Variants in XPO6 observed in about 807,000 individuals in gnomAD.
The protein encoded by XPO6 is exportin 6, also known as exportin-6.
Under a neutral mutation model 130.0 loss-of-function variants are expected in XPO6, and 3 were observed. The observed-to-expected ratio is 0.02, with a 90% CI of 0.01 to 0.06. The LOEUF is 0.06. Among genes scored for constraint, XPO6 ranks in the 10% least tolerant of loss-of-function variants. The probability of loss-of-function intolerance (pLI) is 1.00; values close to 1 mark genes in which losing one functional copy is unlikely to be tolerated. For missense variants in XPO6, 970 were observed against 1,393.0 expected (o/e 0.70, Z 4.83); for synonymous variants, 524 against 548.9 (o/e 0.95, Z 0.63).
rs1036243142 is a variant in XPO6, at chr16:28,127,600, T to C, written c.1607-1752A>G. Among the ~76,000 whole-genome samples the C allele has an allele frequency of 2.0e-5, 3 of 152,090 alleles. No homozygotes were observed. The East Asian group carries it at 5.8e-4, about 29-fold the overall frequency. The stretch of plus-strand genomic sequence containing the variant: ...ATGTATTACTGACAGTAAACACGGA[T>C]GGGTGGCACCTGCAGAAAGGAAGGG... On this transcript the variant is annotated intron_variant, in intron 12 of 23. Coordinates refer to ENST00000304658, the MANE Select transcript of XPO6 (RefSeq NM_015171.4).
Position 28,188,717 on chromosome 16 carries a change from T to C in XPO6, c.4-7686A>G, listed in dbSNP as rs1275918258. On this transcript the variant is annotated intron_variant, in intron 1 of 23. Transcript: ENST00000304658. Reference sequence around the variant, plus strand: ...AAAAAAAAGGAGAGAAAAAAATCTTTGACCTGTAGGCCTGCACACAAGTAT... The same window carrying C: ...AAAAAAAAGGAGAGAAAAAAATCTTCGACCTGTAGGCCTGCACACAAGTAT... Among the ~76,000 whole-genome samples the C allele has an allele frequency of 2.1e-5, 3 of 144,982 alleles. No individual in the cohort carries two copies. The Admixed American group carries it at 2.1e-4, about 10-fold the overall frequency.
At chr16:28,134,043 A>C in intron 10 of XPO6, 110 bp from the exon 11 acceptor site, 1 of 1,095,640 alleles carries the variant, frequency 9.1e-7, no homozygotes, top group Non-Finnish European at 1.3e-6. Context: ...AAATGATGGA[A>C]CCAGGTTATC....
intron 2 of XPO6, among the ~76,000 whole-genome samples, chr16:28,179,814 T>A (rs2043587906): frequency 1.3e-5 from 2 of 152,154 alleles, no homozygotes; most frequent in South Asian, 4.1e-4. Flanking sequence ...AGAACTGAAC[T>A]AAGACAAGCC....
At chr16:28,158,794 T>A (rs563630411) in intron 6 of XPO6, among the ~76,000 whole-genome samples, 1 of 152,346 alleles carries the variant, frequency 6.6e-6, no homozygotes, top group South Asian at 2.1e-4. Flanking sequence ...CAGGAATCTG[T>A]GTTCTTATAA....
chr16:28,102,853 G>C (rs968919784), intron 21 of XPO6, among the ~76,000 whole-genome samples: 2 of 152,302 alleles, frequency 1.3e-5, no homozygotes, highest in African/African-American at 4.8e-5. Flanking sequence ...CATGGGGGCA[G>C]TCGGGGAGGC....
chr16:28,121,297 C>T, intron 14 of XPO6, among the ~76,000 whole-genome samples: 1 of 152,214 alleles, frequency 6.6e-6, no homozygotes, highest in Non-Finnish European at 1.5e-5. Flanking sequence ...AGTCAATGAT[C>T]TACAGGAAAG....
chr16:28,166,652 G>C (rs1004891529), intron 5 of XPO6, 67 bp from the exon 6 acceptor site: 4 of 1,546,954 alleles, frequency 2.6e-6, no homozygotes, highest in Non-Finnish European at 3.5e-6. Context: ...CATATTTAGA[G>C]AAAGTTTCTT....
intron 1 of XPO6, among the ~76,000 whole-genome samples, chr16:28,186,498 ATAGC>A (rs1272249591): frequency 2.0e-5 from 3 of 149,614 alleles, no homozygotes; most frequent in African/African-American, 7.4e-5. Context: ...TCAGCTTCAA[ATAGC>A]TGAGACTACA....
At position 28,156,116 on chromosome 16, in the gene XPO6, T is replaced by C. The variant is rs369899782; in HGVS notation, c.1055A>G (p.Asn352Ser). 7.4e-6 allele frequency: 12 copies of C among 1,613,256 alleles called. No individual in the cohort carries two copies. Among genetic ancestry groups the C allele is most frequent in the African/African-American group, 5.3e-5 (4 of 74,926 alleles). The change falls in exon 7 of 24, where the codon AAT (asparagine) becomes AGT (serine). Residue 352 changes from asparagine to serine, a missense_variant. By Grantham distance (46) the Asn-to-Ser change is conservative. Transcript: ENST00000304658. The stretch of plus-strand genomic sequence containing the variant: ...TAGCCTGCTCTTCACTGTGTGGGCA[T>C]TGTTATCCTTGGTGATTTTCTGCAG... ...YLLQKITKDN[N>S]AHTVKSRLEE...
chr16:28,209,483 T>C (rs1459662961), intron 1 of XPO6, among the ~76,000 whole-genome samples: 1 of 151,528 alleles, frequency 6.6e-6, no homozygotes, highest in Non-Finnish European at 1.5e-5. Context: ...CTACTAAAAA[T>C]ACAAAATTTA....
rs1187804866 is a variant in XPO6, at chr16:28,155,334, A to G, written c.1097+740T>C. On this transcript the variant is annotated intron_variant, in intron 7 of 23. Transcript: ENST00000304658. Reference sequence around the variant, plus strand: ...TGATTGTTCATAATATAAGTTTCCAAATTCCCTCCTGTTTTCATACAGCAG... The same window carrying G: ...TGATTGTTCATAATATAAGTTTCCAGATTCCCTCCTGTTTTCATACAGCAG... Among the ~76,000 whole-genome samples, 5 of 152,132 alleles carry G rather than the reference A, an allele frequency of 3.3e-5. No individual in the cohort carries two copies. In the East Asian group the frequency reaches 9.6e-4, roughly 29 times the overall value.
At chr16:28,169,612 T>G in intron 5 of XPO6, 138 bp downstream of exon 5, 2 of 1,021,580 alleles carry the variant, frequency 2.0e-6, no homozygotes, top group African/African-American at 1.6e-5. Context: ...GGGCTATAGG[T>G]GTTGGGAACG....
intron 8 of XPO6, among the ~76,000 whole-genome samples, chr16:28,148,361 A>G (rs1340390161): frequency 1.3e-5 from 2 of 152,188 alleles, no homozygotes; most frequent in Non-Finnish European, 2.9e-5. Flanking sequence ...CAGGCCGCCC[A>G]TGACCTGGCC....
chr16:28,193,739 A>G (rs1259901847), intron 1 of XPO6, among the ~76,000 whole-genome samples: 1 of 152,130 alleles, frequency 6.6e-6, no homozygotes, highest in Non-Finnish European at 1.5e-5. Context: ...ATAACTCTAC[A>G]TGGGGTTTTC....
chr16:28,186,328 C>A (rs560215641), intron 1 of XPO6, among the ~76,000 whole-genome samples: 1 of 144,728 alleles, frequency 6.9e-6, no homozygotes, highest in African/African-American at 2.6e-5. Context: ...AGTACTTTAC[C>A]GCCAGATAAA....
intron 1 of XPO6, among the ~76,000 whole-genome samples, chr16:28,210,690 T>C (rs2044114715): frequency 2.0e-5 from 3 of 152,208 alleles, no homozygotes; most frequent in South Asian, 2.1e-4. Flanking sequence ...AGTATCGGTC[T>C]AGAAAACGTG....
chr16:28,174,023 C>T (rs1467899836), intron 4 of XPO6, among the ~76,000 whole-genome samples: 4 of 152,156 alleles, frequency 2.6e-5, no homozygotes, highest in African/African-American at 9.7e-5. Context: ...AGACTCCCAA[C>T]CCTCTTGGTC....
At chr16:28,193,327 C>G (rs1165079296) in intron 1 of XPO6, among the ~76,000 whole-genome samples, 2 of 152,034 alleles carry the variant, frequency 1.3e-5, no homozygotes, top group African/African-American at 2.4e-5. Flanking sequence ...GGGCGCTGCA[C>G]AAGCAGAGAT....
intron 12 of XPO6, among the ~76,000 whole-genome samples, chr16:28,131,199 G>A (rs74921593): frequency 0.013 from 1,963 of 152,158 alleles, 23 homozygotes; most frequent in African/African-American, 0.037. Context: ...GCCTACATTC[G>A]GGGCATGCCA....
Sources: gnomAD v4.1 joint callset for allele counts (sites outside exome capture counted in the v4.1 genomes callset) on GRCh38, gnomAD v4.1.1 for gene constraint, MANE v1.5 for transcripts, NCBI Gene and HGNC (gene_info 2026-07-23, HGNC 2026-07-21) for gene names.